Variants in LYRM4 observed in about 807,000 individuals in gnomAD.
LYRM4 encodes LYR motif-containing protein 4.
Under a neutral mutation model 11.7 loss-of-function variants are expected in LYRM4, and 9 were observed. That is an observed-to-expected ratio of 0.77 (90% CI 0.46 to 1.34). The LOEUF (loss-of-function observed/expected upper bound fraction) is 1.34, where lower values mean the gene tolerates loss of function less well. LYRM4 is among the 40% of genes most tolerant of loss of function. LYRM4 has a pLI of 0.00. For missense variants in LYRM4, 133 were observed against 112.5 expected (o/e 1.18, Z -0.82); for synonymous variants, 42 against 40.4 (o/e 1.04, Z -0.15).
intron 2 of LYRM4, among the ~76,000 whole-genome samples, chr6:5,116,930 A>G (rs1008540550): frequency 6.6e-6 from 1 of 152,218 alleles, no homozygotes; most frequent in Non-Finnish European, 1.5e-5. Context: ...CCATCCCCGC[A>G]ACACATCTCT....
intron 2 of LYRM4, among the ~76,000 whole-genome samples, chr6:5,178,485 ACTT>A (rs1231162904): frequency 6.6e-6 from 1 of 150,438 alleles, no homozygotes; most frequent in Non-Finnish European, 1.5e-5. Flanking sequence ...AAAGTAAACT[ACTT>A]TCTGCAGTAG....
chr6:5,062,586 G>C, the LYRM4 span, among the ~76,000 whole-genome samples: 13 of 152,010 alleles, frequency 8.6e-5, no homozygotes, highest in African/African-American at 1.2e-4. Flanking sequence ...CAAAGGGATG[G>C]TATCACCGAG....
At chr6:5,042,754 C>T in the LYRM4 span, 2 of 152,638 alleles carry the variant, frequency 1.3e-5, no homozygotes, top group Non-Finnish European at 2.9e-5. Flanking sequence ...AAGGTGCTGA[C>T]AAAATGGACA....
intron 2 of LYRM4, among the ~76,000 whole-genome samples, chr6:5,171,436 C>G (rs1293668339): frequency 6.6e-6 from 1 of 152,190 alleles, no homozygotes; most frequent in Non-Finnish European, 1.5e-5. Context: ...ATTCTGGCCT[C>G]CAGTTTATAC....
intron 2 of LYRM4, among the ~76,000 whole-genome samples, chr6:5,149,779 C>T (rs1214179979): frequency 6.6e-6 from 1 of 152,158 alleles, no homozygotes; most frequent in African/African-American, 2.4e-5. Context: ...ATCAGATACA[C>T]AATTCCACTT....
chr6:5,165,566 A>G (rs1347072680), intron 2 of LYRM4, among the ~76,000 whole-genome samples: 1 of 150,656 alleles, frequency 6.6e-6, no homozygotes, highest in African/African-American at 2.4e-5. Flanking sequence ...TTTTTGAGAC[A>G]GAATCTCACT....
At chr6:5,036,616 T>C in the LYRM4 span, among the ~76,000 whole-genome samples, 1 of 152,230 alleles carries the variant, frequency 6.6e-6, no homozygotes, top group Non-Finnish European at 1.5e-5. Flanking sequence ...CGAGTGCTGA[T>C]GGTCTCTACA....
At chr6:5,098,751 G>A (rs1244629003), downstream of LYRM4, among the ~76,000 whole-genome samples, 4 of 152,158 alleles carry the variant, frequency 2.6e-5, no homozygotes, top group South Asian at 8.3e-4. Context: ...TCAGTACCAT[G>A]GCGGGCAGAA....
At chr6:5,157,996 A>C (rs898965727) in intron 2 of LYRM4, among the ~76,000 whole-genome samples, 4 of 152,226 alleles carry the variant, frequency 2.6e-5, no homozygotes, top group Non-Finnish European at 5.9e-5. Context: ...CTGGCCCGAA[A>C]CGCCAAGGCA....
At chr6:5,115,167 T>C (rs1383905769) in intron 2 of LYRM4, among the ~76,000 whole-genome samples, 1 of 152,238 alleles carries the variant, frequency 6.6e-6, no homozygotes, top group African/African-American at 2.4e-5. Context: ...ATTATCATTC[T>C]TATATATAAC....
the LYRM4 span, among the ~76,000 whole-genome samples, chr6:5,049,278 G>A: frequency 6.6e-6 from 1 of 152,168 alleles, no homozygotes; most frequent in African/African-American, 2.4e-5. Flanking sequence ...CAAATTGAGA[G>A]CTGAGGATGG....
the LYRM4 span, among the ~76,000 whole-genome samples, chr6:5,060,569 C>T: frequency 6.6e-6 from 1 of 151,860 alleles, no homozygotes; most frequent in Non-Finnish European, 1.5e-5. Flanking sequence ...GTACCATCTC[C>T]ATAGCACTCC....
the LYRM4 span, among the ~76,000 whole-genome samples, chr6:5,041,868 G>T: frequency 6.6e-6 from 1 of 152,152 alleles, no homozygotes; most frequent in African/African-American, 2.4e-5. Context: ...TATAAACAAA[G>T]GACTATAATT....
At chr6:5,171,291 C>G (rs185877123) in intron 2 of LYRM4, among the ~76,000 whole-genome samples, 1 of 152,184 alleles carries the variant, frequency 6.6e-6, no homozygotes, top group South Asian at 2.1e-4. Flanking sequence ...CCCTCTCCAG[C>G]TCCTACCCTA....
intron 2 of LYRM4, among the ~76,000 whole-genome samples, chr6:5,124,725 G>C (rs879451620): frequency 1.3e-5 from 2 of 152,186 alleles, no homozygotes; most frequent in Non-Finnish European, 2.9e-5. Context: ...CTCCCTGCCC[G>C]GCTCCCTTGG....
intron 1 of LYRM4, among the ~76,000 whole-genome samples, chr6:5,252,730 T>C (rs556301722): frequency 6.6e-6 from 1 of 152,316 alleles, no homozygotes; most frequent in East Asian, 1.9e-4. Context: ...TGGAAAGCTT[T>C]ACCCTTTCCT....
At chr6:5,086,463 C>T in the LYRM4 span, 4 of 1,537,138 alleles carry the variant, frequency 2.6e-6, no homozygotes, top group Non-Finnish European at 2.6e-6. Context: ...TCGCGGTCCA[C>T]TTCGCTGTCT....
chr6:5,114,255 G>C (rs1763021767), intron 2 of LYRM4, among the ~76,000 whole-genome samples: 1 of 152,206 alleles, frequency 6.6e-6, no homozygotes, highest in Admixed American at 6.5e-5. Flanking sequence ...GCTAAGACTG[G>C]GGGGCAGAAA....
At chr6:5,157,228 C>G (rs949626589) in intron 2 of LYRM4, among the ~76,000 whole-genome samples, 2 of 152,148 alleles carry the variant, frequency 1.3e-5, no homozygotes, top group Non-Finnish European at 2.9e-5. Flanking sequence ...CAGGAATAAC[C>G]TAGTGTGGCG....
Sources: gnomAD v4.1 joint callset for allele counts (sites outside exome capture counted in the v4.1 genomes callset) on GRCh38, gnomAD v4.1.1 for gene constraint, MANE v1.5 for transcripts, NCBI Gene and HGNC (gene_info 2026-07-23, HGNC 2026-07-21) for gene names.